Variants in HS6ST3 observed in about 807,000 individuals in gnomAD.
The protein encoded by HS6ST3 is heparan-sulfate 6-O-sulfotransferase 3.
HS6ST3 carries 12 observed loss-of-function variants against 36.7 expected under a neutral mutation model. The ratio of observed to expected loss-of-function variants is 0.33; its 90% confidence interval spans 0.21 to 0.53. The LOEUF (loss-of-function observed/expected upper bound fraction) is 0.53, where lower values mean the gene tolerates loss of function less well. Among genes scored for constraint, HS6ST3 ranks in the 20% least tolerant of loss-of-function variants. The pLI, the probability that HS6ST3 is intolerant of heterozygous loss-of-function variation, is 0.95. For synonymous variants in HS6ST3, 240 were observed against 257.5 expected (o/e 0.93, Z 0.65); for missense variants, 584 against 640.9 (o/e 0.91, Z 0.96).
At chr13:96,349,364 T>C (rs1011166821) in intron 1 of HS6ST3, among the ~76,000 whole-genome samples, 2 of 152,204 alleles carry the variant, frequency 1.3e-5, no homozygotes, top group Non-Finnish European at 2.9e-5. Context: ...AAGAAAGTGA[T>C]TGTGTGGTTC....
chr13:96,228,705 C>A (rs146512834), intron 1 of HS6ST3, among the ~76,000 whole-genome samples: 2 of 152,308 alleles, frequency 1.3e-5, no homozygotes, highest in African/African-American at 4.8e-5. Context: ...TAATGCATTT[C>A]TTGAAACTCT....
chr13:96,196,905 A>T (rs1421935769), intron 1 of HS6ST3, among the ~76,000 whole-genome samples: 1 of 152,204 alleles, frequency 6.6e-6, no homozygotes, highest in African/African-American at 2.4e-5. Flanking sequence ...TTTGTTTTTC[A>T]GAGTTAGGAA....
chr13:96,558,420 C>G (rs2056249221), intron 1 of HS6ST3, among the ~76,000 whole-genome samples: 2 of 152,172 alleles, frequency 1.3e-5, no homozygotes, highest in South Asian at 4.1e-4. Flanking sequence ...GAGAGATTTA[C>G]TAACTTGCCC....
chr13:96,526,692 T>C (rs1333820278), intron 1 of HS6ST3, among the ~76,000 whole-genome samples: 1 of 152,224 alleles, frequency 6.6e-6, no homozygotes, highest in African/African-American at 2.4e-5. Flanking sequence ...TTGCTTCTGA[T>C]AATTATTGTT....
intron 1 of HS6ST3, among the ~76,000 whole-genome samples, chr13:96,178,069 G>A (rs1292049353): frequency 6.6e-6 from 1 of 152,092 alleles, no homozygotes; most frequent in Admixed American, 6.6e-5. Flanking sequence ...GTTTACTGAT[G>A]GAGTGTTTTG....
chr13:96,503,703 G>A (rs2056014745), intron 1 of HS6ST3, among the ~76,000 whole-genome samples: 1 of 152,182 alleles, frequency 6.6e-6, no homozygotes, highest in Non-Finnish European at 1.5e-5. Context: ...CACATTCATT[G>A]AGCGGTTCTT....
intron 1 of HS6ST3, among the ~76,000 whole-genome samples, chr13:96,428,637 A>G (rs2055599148): frequency 6.6e-6 from 1 of 152,170 alleles, no homozygotes; most frequent in African/African-American, 2.4e-5. Context: ...TAAAGACCCA[A>G]TCTTCAAATA....
intron 1 of HS6ST3, among the ~76,000 whole-genome samples, chr13:96,689,164 T>G (rs1874867758): frequency 6.6e-6 from 1 of 151,886 alleles, no homozygotes; most frequent in Non-Finnish European, 1.5e-5. Flanking sequence ...TTCAAAGGAG[T>G]GTTCCGAGGC....
intron 1 of HS6ST3, among the ~76,000 whole-genome samples, chr13:96,275,601 A>G (rs1481290306): frequency 6.6e-6 from 1 of 152,204 alleles, no homozygotes. Context: ...CCAGTTACCT[A>G]CATGATATTA....
intron 1 of HS6ST3, among the ~76,000 whole-genome samples, chr13:96,542,137 A>G (rs977270854): frequency 2.0e-5 from 3 of 152,230 alleles, no homozygotes; most frequent in Admixed American, 2.0e-4. Context: ...TGTTTTAACA[A>G]TTACATAAGA....
chr13:96,571,885 C>T (rs905359947), intron 1 of HS6ST3, among the ~76,000 whole-genome samples: 7 of 152,138 alleles, frequency 4.6e-5, no homozygotes, highest in African/African-American at 1.2e-4. Flanking sequence ...AGGGAAATCC[C>T]GAGTTCCTGA....
intron 1 of HS6ST3, among the ~76,000 whole-genome samples, chr13:96,766,003 G>A (rs952111659): frequency 6.6e-6 from 1 of 152,102 alleles, no homozygotes; most frequent in East Asian, 1.9e-4. Flanking sequence ...GCATAAACTG[G>A]CAGTACAACC....
chr13:96,777,464 A>C (rs1037264742), intron 1 of HS6ST3, among the ~76,000 whole-genome samples: 3 of 152,246 alleles, frequency 2.0e-5, no homozygotes, highest in Non-Finnish European at 4.4e-5. Context: ...TAAGCTGATA[A>C]GCAACTTCAG....
rs1030356070 is a variant in HS6ST3, at chr13:96,370,790, G to T, written c.707+279221G>T. On this transcript the variant is annotated intron_variant, in intron 1 of 1. Coordinates refer to ENST00000376705, the MANE Select transcript of HS6ST3 (RefSeq NM_153456.4). ...AGCCGGGTGCAGTGGTAGGCTACTC[G>T]GGAGGCTGGGGCAGGAGAATCGCTT... Among the ~76,000 whole-genome samples, 38 of 152,062 alleles carry T rather than the reference G, an allele frequency of 2.5e-4. 1 individual carries two copies. The highest frequency in any genetic ancestry group is 2.5e-3 in the Admixed American group (38 of 15,258).
chr13:96,228,338 A>G (rs1461976475), intron 1 of HS6ST3, among the ~76,000 whole-genome samples: 2 of 152,186 alleles, frequency 1.3e-5, no homozygotes, highest in African/African-American at 4.8e-5. Flanking sequence ...GGCTCACTGC[A>G]ACCTCTGCCA....
intron 1 of HS6ST3, among the ~76,000 whole-genome samples, chr13:96,322,391 A>G (rs2055008647): frequency 1.5e-5 from 2 of 133,860 alleles, no homozygotes; most frequent in Admixed American, 1.4e-4. Flanking sequence ...CAGAAAAAAA[A>G]AAAAAAAAAA....
intron 1 of HS6ST3, among the ~76,000 whole-genome samples, chr13:96,728,391 C>T (rs997036788): frequency 6.6e-6 from 1 of 152,168 alleles, no homozygotes; most frequent in African/African-American, 2.4e-5. Context: ...TGGTATCATT[C>T]TGTCTCCCTA....
chr13:96,204,402 T>A (rs1320727168), intron 1 of HS6ST3, among the ~76,000 whole-genome samples: 1 of 152,114 alleles, frequency 6.6e-6, no homozygotes, highest in Admixed American at 6.5e-5. Context: ...AAAATAATAG[T>A]GGGAGATTTT....
At chr13:96,222,156 G>A (rs1451845744) in intron 1 of HS6ST3, among the ~76,000 whole-genome samples, 7 of 152,032 alleles carry the variant, frequency 4.6e-5, no homozygotes, top group Admixed American at 3.3e-4. Context: ...AACTTCATAA[G>A]ACAGTCTAGA....
Sources: allele counts gnomAD v4.1 joint callset (sites outside exome capture counted in the v4.1 genomes callset), GRCh38; gene constraint gnomAD v4.1.1; transcripts MANE v1.5; gene names NCBI Gene and HGNC (gene_info 2026-07-23, HGNC 2026-07-21).